The following TECPR2 variants were observed in gnomAD, a reference collection of about 807,000 sequenced individuals.
TECPR2 encodes tectonin beta-propeller repeat containing 2.
Under a neutral mutation model 138.1 loss-of-function variants are expected in TECPR2, and 65 were observed. The ratio of observed to expected loss-of-function variants is 0.47; its 90% CI spans 0.39 to 0.58. TECPR2 has a LOEUF of 0.58. TECPR2 is among the 20% of genes least tolerant of loss of function. TECPR2 has a pLI of 0.00. For missense variants in TECPR2, 1,553 were observed against 1,824.5 expected (o/e 0.85, Z 2.71); for synonymous variants, 746 against 749.8 (o/e 0.99, Z 0.08).
Position 102,443,963 on chromosome 14 carries a change from G to C in TECPR2, c.2933+136G>C. The C allele has an allele frequency of 2.4e-6, 2 of 849,030 alleles. No individual in the cohort carries two copies. Among genetic ancestry groups the C allele is most frequent in the South Asian group, 2.8e-5 (1 of 35,248 alleles). 52.6% of individuals were successfully genotyped at this position (849,030 alleles called of 1,614,324 possible). On this transcript the variant is annotated intron_variant, in intron 12 of 19. Coordinates refer to ENST00000359520, the MANE Select transcript of TECPR2 (RefSeq NM_014844.5). This position sits in a 1 kb window ranked among gnomAD's most constrained non-coding sequence, Gnocchi z 4.9. ...GCCTCCATGGCTATAGGCTAAGCTTGAATCTCTGCCTAATTCTGACCGGCA... is the reference window on the plus strand; with the variant it reads ...GCCTCCATGGCTATAGGCTAAGCTTCAATCTCTGCCTAATTCTGACCGGCA...
chr14:102,372,558 C>T (rs141221890), intron 1 of TECPR2, among the ~76,000 whole-genome samples: 226 of 152,272 alleles, frequency 1.5e-3, no homozygotes, highest in African/African-American at 5.2e-3. Flanking sequence ...TGAGACACCG[C>T]GCCCAGCCTT....
At chr14:102,368,753 G>A (rs2139647586) in intron 1 of TECPR2, among the ~76,000 whole-genome samples, 1 of 152,156 alleles carries the variant, frequency 6.6e-6, no homozygotes, top group Non-Finnish European at 1.5e-5. Flanking sequence ...GGCTTCTGGG[G>A]GCAGGTGTGG....
intron 1 of TECPR2, among the ~76,000 whole-genome samples, chr14:102,363,660 G>A (rs1353813093): frequency 6.6e-6 from 1 of 152,246 alleles, no homozygotes; most frequent in Admixed American, 6.5e-5. Flanking sequence ...AAGTGTTAAA[G>A]GATGGGGTGT....
At position 102,497,702 on chromosome 14, in the gene TECPR2, G is replaced by C. The variant is rs1891325435; in HGVS notation, c.4064G>C (p.Ser1355Thr). Residue 1355 changes from serine to threonine, a missense_variant, in exon 19 of 20, where the codon AGC becomes ACC. Physicochemically the swap from Ser to Thr is moderately conservative, Grantham distance 58. Transcript: ENST00000359520. ...GACTACTGGAAGAAAATTCCCGGCA[G>C]CGTGTCGTGTTTCACAGGCAGGTGC... ...AGDYWKKIPG[S>T]VSCFTVTASD... The C allele has an allele frequency of 6.2e-7, 1 of 1,607,228 alleles. No homozygotes were observed. The highest frequency in any genetic ancestry group is 8.5e-7 in the Non-Finnish European group (1 of 1,176,714).
chr14:102,470,937 G>A (rs1001498337), intron 17 of TECPR2, among the ~76,000 whole-genome samples: 4 of 151,754 alleles, frequency 2.6e-5, no homozygotes, highest in African/African-American at 7.3e-5. Context: ...TCCTGCCTCA[G>A]CCTCACGAGT....
rs763681861 is a variant in TECPR2 at position 102,420,191 on chromosome 14, A to T, written c.639-4788A>T. On this transcript the variant is annotated intron_variant, in intron 5 of 19. Transcript: ENST00000359520. This position sits in a 1 kb window ranked among gnomAD's most constrained non-coding sequence, Gnocchi z 4.1. ...TCCTTACATATCAACGTGGTCTATA[A>T]AGGGAATTAAAATTTTTTTAGGTAA... is the stretch of plus-strand genomic sequence containing the variant. Among the ~76,000 whole-genome samples the T allele has an allele frequency of 1.3e-5, 2 of 152,240 alleles. No homozygotes were observed.
chr14:102,497,845 G>A (rs1309027152), intron 19 of TECPR2, 126 bp downstream of exon 19: 2 of 1,308,086 alleles, frequency 1.5e-6, no homozygotes, highest in African/African-American at 1.5e-5. Flanking sequence ...AGAACTGAGG[G>A]CAAAGCCAGG....
At chr14:102,432,583 C>A (rs1889533719) in intron 8 of TECPR2, among the ~76,000 whole-genome samples, 1 of 152,046 alleles carries the variant, frequency 6.6e-6, no homozygotes. Context: ...TTAGTAGATA[C>A]AGGGTTTCTC....
rs1888997106 is a variant in TECPR2 at position 102,415,397 on chromosome 14, A to G, written c.638+604A>G. Among the ~76,000 whole-genome samples the G allele has an allele frequency of 6.6e-6, 1 of 152,128 alleles. No homozygotes were observed. The highest frequency in any genetic ancestry group is 1.5e-5 in the Non-Finnish European group (1 of 68,020). On this transcript the variant is annotated intron_variant, in intron 5 of 19. Coordinates refer to ENST00000359520, the MANE Select transcript of TECPR2 (RefSeq NM_014844.5). The surrounding 1 kb of genome is among the most constrained non-coding windows in gnomAD (Gnocchi z 4.3). ...GAAGGCATGGGTTCCAGGTTGAGAG[A>G]TCATTCCTCCTTTGACCAGTGATGT...
intron 7 of TECPR2, among the ~76,000 whole-genome samples, chr14:102,429,010 G>C (rs1252818403): frequency 6.6e-6 from 1 of 152,052 alleles, no homozygotes; most frequent in Admixed American, 6.5e-5. Context: ...ATTATGCCAG[G>C]CTAATTTTGT....
chr14:102,430,240 A>G (rs1033968251), intron 7 of TECPR2, among the ~76,000 whole-genome samples: 5 of 152,046 alleles, frequency 3.3e-5, no homozygotes, highest in African/African-American at 1.2e-4. Flanking sequence ...TCCCAAAGTG[A>G]TGGGATTACA....
In TECPR2 at chr14:102,431,226, TA is replaced by T. The variant is rs1409318773; in HGVS notation, c.1085-567del. Among the ~76,000 whole-genome samples, 4 of 151,162 alleles carry T rather than the reference TA, an allele frequency of 2.6e-5. No individual in the cohort carries two copies. In the East Asian group the frequency reaches 5.8e-4, roughly 22 times the overall value. Reference sequence around the variant, plus strand: ...TCCGTCTCAAAAATAAATAAATAAATAAATATAAAAAGAAAGCTATGGCAAA... The same window carrying T: ...TCCGTCTCAAAAATAAATAAATAAATAATATAAAAAGAAAGCTATGGCAAA... On this transcript the variant is annotated intron_variant, in intron 7 of 19. Coordinates refer to ENST00000359520, the MANE Select transcript of TECPR2 (RefSeq NM_014844.5).
chr14:102,402,152 C>G (rs921436918), intron 2 of TECPR2, among the ~76,000 whole-genome samples: 1 of 152,042 alleles, frequency 6.6e-6, no homozygotes, highest in Non-Finnish European at 1.5e-5. Flanking sequence ...ATATGTTAAG[C>G]CACAAATTAG....
At chr14:102,392,066 G>A (rs370246468) in intron 2 of TECPR2, among the ~76,000 whole-genome samples, 40 of 152,054 alleles carry the variant, frequency 2.6e-4, no homozygotes, top group Non-Finnish European at 4.7e-4. Context: ...TTGGCTCACC[G>A]CAACCTCTGC....
chr14:102,396,768 G>A (rs995534152), intron 2 of TECPR2, among the ~76,000 whole-genome samples: 3 of 152,228 alleles, frequency 2.0e-5, no homozygotes, highest in Non-Finnish European at 1.5e-5. Context: ...AGGCGGCTAC[G>A]CGGGTGTTCC....
At chr14:102,477,970 A>G (rs1162172144) in intron 17 of TECPR2, among the ~76,000 whole-genome samples, 4 of 142,164 alleles carry the variant, frequency 2.8e-5, no homozygotes, top group African/African-American at 1.0e-4. Flanking sequence ...GTTAGCCAGG[A>G]CGGTCTAGAT....
At chr14:102,396,593 A>G (rs1369705175) in intron 2 of TECPR2, among the ~76,000 whole-genome samples, 5 of 152,176 alleles carry the variant, frequency 3.3e-5, no homozygotes. Context: ...CCACACCTAG[A>G]CATCAATTGT....
intron 2 of TECPR2, among the ~76,000 whole-genome samples, chr14:102,389,581 CAA>C (rs1888110633): frequency 1.3e-5 from 2 of 152,262 alleles, no homozygotes; most frequent in Non-Finnish European, 2.9e-5. Flanking sequence ...GGTGATACGA[CAA>C]AGTCTTTTTC....
chr14:102,401,346 G>A (rs952428319), intron 2 of TECPR2, among the ~76,000 whole-genome samples: 1 of 150,780 alleles, frequency 6.6e-6, no homozygotes, highest in Non-Finnish European at 1.5e-5. Context: ...GGCTGAGGCA[G>A]GAGAAATGCT....
Sources: allele counts gnomAD v4.1 joint callset (sites outside exome capture counted in the v4.1 genomes callset), GRCh38; gene constraint gnomAD v4.1.1; non-coding constraint Gnocchi (gnomAD v3.1); transcripts MANE v1.5; gene names NCBI Gene and HGNC (gene_info 2026-07-23, HGNC 2026-07-21).